Variants in ST3GAL6 observed in about 807,000 individuals in gnomAD.
ST3GAL6 encodes the protein type 2 lactosamine alpha-2,3-sialyltransferase.
Under a neutral mutation model 40.5 loss-of-function variants are expected in ST3GAL6, and 31 were observed. The observed-to-expected ratio is 0.77, with a 90% CI of 0.58 to 1.03. The LOEUF (loss-of-function observed/expected upper bound fraction) is 1.03, where lower values mean the gene tolerates loss of function less well. Ranked by LOEUF, ST3GAL6 falls within the 50% of genes least tolerant of loss-of-function variation. The pLI, the probability that ST3GAL6 is intolerant of heterozygous loss-of-function variation, is 0.00. For missense variants in ST3GAL6, 357 were observed against 393.2 expected (o/e 0.91, Z 0.78); for synonymous variants, 129 against 136.9 (o/e 0.94, Z 0.40).
At chr3:98,788,582 C>A in intron 8 of ST3GAL6, 119 bp downstream of exon 8, 1 of 854,754 alleles carries the variant, frequency 1.2e-6, no homozygotes, top group Non-Finnish European at 1.7e-6. Flanking sequence ...TTCTGAGGGC[C>A]ATCTCTGAGT....
At chr3:98,757,292 A>G (rs1354458291) in intron 1 of ST3GAL6, among the ~76,000 whole-genome samples, 2 of 152,216 alleles carry the variant, frequency 1.3e-5, no homozygotes, top group Non-Finnish European at 1.5e-5. Flanking sequence ...GCTGGCCAAT[A>G]TGGACACTCA....
At chr3:98,773,204 T>G (rs1399818458) in intron 4 of ST3GAL6, 1 of 184,378 alleles carries the variant, frequency 5.4e-6, no homozygotes, top group African/African-American at 2.3e-5. Flanking sequence ...GGTGCCTTAC[T>G]TTATTCTAAT....
chr3:98,756,651 C>A, intron 1 of ST3GAL6: 1 of 920,046 alleles, frequency 1.1e-6, no homozygotes, highest in Non-Finnish European at 1.4e-6. Flanking sequence ...ATCCCCTCTT[C>A]TATGAATACA....
intron 1 of ST3GAL6, among the ~76,000 whole-genome samples, chr3:98,745,965 C>G (rs1266166535): frequency 2.0e-5 from 3 of 152,136 alleles, no homozygotes; most frequent in African/African-American, 7.2e-5. Context: ...TCGGCTCAGA[C>G]AGTCCTTACA....
rs1007992122 is a variant in ST3GAL6 at position 98,795,612 on chromosome 3, G to A, written c.*1851G>A. The A allele has an allele frequency of 6.6e-6, 1 of 152,120 alleles. No homozygotes were observed. Among genetic ancestry groups the A allele is most frequent in the Admixed American group, 6.6e-5 (1 of 15,264 alleles). The allele number at this position is 152,120 out of a possible 1,614,324, so 9.4% of individuals were successfully genotyped here. A position where few individuals can be genotyped will look rare whatever the true frequency, so the allele number is the denominator to read the frequency against. On this transcript the variant is annotated 3_prime_UTR_variant, in exon 10 of 10. Transcript: ENST00000483910. ...AGGCTTCAAAAAGAATGGTGCTGTG[G>A]GTACACAAGGACATAAAGATGGGAA...
At chr3:98,757,366 C>T (rs1270693860) in intron 1 of ST3GAL6, among the ~76,000 whole-genome samples, 1 of 152,146 alleles carries the variant, frequency 6.6e-6, no homozygotes, top group African/African-American at 2.4e-5. Flanking sequence ...ATTGAGATTG[C>T]TCATGAGGGT....
At chr3:98,759,605 G>GTT (rs879761379), upstream of ST3GAL6, among the ~76,000 whole-genome samples, 1 of 147,048 alleles carries the variant, frequency 6.8e-6, no homozygotes, top group African/African-American at 2.5e-5. Flanking sequence ...CCTTTGACAA[G>GTT]TTTTTTTTTT....
intron 1 of ST3GAL6, among the ~76,000 whole-genome samples, chr3:98,766,583 G>C (rs1449052000): frequency 1.3e-5 from 2 of 151,870 alleles, no homozygotes; most frequent in Admixed American, 6.6e-5. Flanking sequence ...ATCACGCCCG[G>C]CTAATTTTTT....
At chr3:98,780,412 G>T (rs1939981588) in intron 5 of ST3GAL6, among the ~76,000 whole-genome samples, 1 of 152,090 alleles carries the variant, frequency 6.6e-6, no homozygotes, top group Admixed American at 6.6e-5. Context: ...CAAAAGCATT[G>T]GCATGATTTC....
At chr3:98,760,419 C>T (rs75267115), upstream of ST3GAL6, among the ~76,000 whole-genome samples, 2,335 of 152,274 alleles carry the variant, frequency 0.015, 62 homozygotes, top group African/African-American at 0.054. Context: ...CTTTAATTCT[C>T]GTAGCAGATA....
intron 1 of ST3GAL6, among the ~76,000 whole-genome samples, chr3:98,745,747 G>A (rs910003146): frequency 1.3e-4 from 20 of 152,202 alleles, no homozygotes; most frequent in African/African-American, 4.6e-4. Flanking sequence ...GTTTATACTG[G>A]GAAGTATTTT....
intron 2 of ST3GAL6, among the ~76,000 whole-genome samples, chr3:98,769,384 G>C (rs1475890060): frequency 6.6e-6 from 1 of 152,200 alleles, no homozygotes; most frequent in Non-Finnish European, 1.5e-5. Flanking sequence ...TTTAGGCTTT[G>C]GACCCAAATA....
chr3:98,789,655 A>G (rs538862568), intron 8 of ST3GAL6, among the ~76,000 whole-genome samples: 1 of 152,308 alleles, frequency 6.6e-6, no homozygotes, highest in African/African-American at 2.4e-5. Flanking sequence ...GGAATGCTCA[A>G]GTCAAAAAGC....
upstream of ST3GAL6, among the ~76,000 whole-genome samples, chr3:98,761,625 A>G (rs570769632): frequency 5.4e-3 from 814 of 152,058 alleles, 5 homozygotes; most frequent in African/African-American, 0.018. Flanking sequence ...AAAAAAAAAA[A>G]AGTAGCCACA....
At chr3:98,761,255 G>A (rs1002594528), upstream of ST3GAL6, among the ~76,000 whole-genome samples, 5 of 152,092 alleles carry the variant, frequency 3.3e-5, no homozygotes, top group Non-Finnish European at 7.4e-5. Context: ...GACCAGGCTG[G>A]ACAGTATAGT....
chr3:98,788,284 A>G, intron 7 of ST3GAL6, 42 bp from the exon 8 acceptor site: 2 of 1,587,522 alleles, frequency 1.3e-6, no homozygotes, highest in Non-Finnish European at 1.7e-6. Flanking sequence ...CTTAAAAAAC[A>G]GACAGCCACA....
intron 1 of ST3GAL6, among the ~76,000 whole-genome samples, chr3:98,733,843 A>G (rs984933169): frequency 2.0e-5 from 3 of 152,032 alleles, no homozygotes; most frequent in African/African-American, 7.3e-5. Flanking sequence ...GGAGGGGGAG[A>G]AGAGGTTGCT....
At chr3:98,781,066 T>G (rs1022565438) in intron 5 of ST3GAL6, among the ~76,000 whole-genome samples, 1 of 152,182 alleles carries the variant, frequency 6.6e-6, no homozygotes, top group Non-Finnish European at 1.5e-5. Context: ...TAGCAAAGAC[T>G]TGGAACCAAC....
intron 2 of ST3GAL6, 45 bp from the exon 3 acceptor site, chr3:98,770,834 G>T: frequency 6.4e-7 from 1 of 1,563,408 alleles, no homozygotes; most frequent in South Asian, 1.1e-5. Flanking sequence ...CTTTGGGCAG[G>T]GTGCCCGATT....
Sources: allele counts gnomAD v4.1 joint callset (sites outside exome capture counted in the v4.1 genomes callset), GRCh38; gene constraint gnomAD v4.1.1; transcripts MANE v1.5; gene names NCBI Gene and HGNC (gene_info 2026-07-23, HGNC 2026-07-21).